The following HDAC4 variants were observed in gnomAD, a reference collection of about 807,000 sequenced individuals.
HDAC4 encodes histone deacetylase A.
In HDAC4, 16 loss-of-function variants were observed where a neutral mutation model predicts 135.1. The ratio of observed to expected loss-of-function variants is 0.12; its 90% confidence interval spans 0.08 to 0.18. The LOEUF is 0.18. Ranked by LOEUF, HDAC4 falls within the 10% of genes least tolerant of loss-of-function variation. The pLI, the probability that HDAC4 is intolerant of heterozygous loss-of-function variation, is 1.00. For missense variants in HDAC4, 1,143 were observed against 1,511.8 expected, an observed-to-expected ratio of 0.76 and a Z score of 4.05; for synonymous variants, 685 against 653.4, an observed-to-expected ratio of 1.05 and a Z score of -0.74.
In HDAC4 at chr2:239,079,253, C is replaced by T. The variant is rs529599060; in HGVS notation, c.2750+1842G>A. 3.3e-5 allele frequency among the ~76,000 whole-genome samples: 5 copies of T among 152,322 alleles called. 1 individual carries two copies. In the South Asian group the frequency reaches 1.0e-3, roughly 32 times the overall value. Reference sequence around the variant, plus strand: ...TTAGGCAGGGCATCTGTCAACATTACATTAAATCTGATCAAGAGTAAGAAG... The same window carrying T: ...TTAGGCAGGGCATCTGTCAACATTATATTAAATCTGATCAAGAGTAAGAAG... On this transcript the variant is annotated intron_variant, in intron 22 of 26. Coordinates refer to ENST00000543185, the MANE Select transcript of HDAC4 (RefSeq NM_001378414.1).
intron 7 of HDAC4, among the ~76,000 whole-genome samples, chr2:239,149,851 T>C (rs997161469): frequency 1.3e-5 from 2 of 151,960 alleles, no homozygotes; most frequent in Non-Finnish European, 2.9e-5. Context: ...TCCCGCCTGC[T>C]CGTGGAGGGG....
rs1156872256 is a variant in HDAC4, at chr2:239,307,864, G to A, written c.22+44814C>T. 6.6e-6 allele frequency among the ~76,000 whole-genome samples: 1 copy of A among 152,076 alleles called. No individual in the cohort carries two copies. Among genetic ancestry groups the A allele is most frequent in the Non-Finnish European group, 1.5e-5 (1 of 68,030 alleles). On this transcript the variant is annotated intron_variant, in intron 2 of 26. Coordinates refer to ENST00000543185, the MANE Select transcript of HDAC4 (RefSeq NM_001378414.1). This position sits in a 1 kb window ranked among gnomAD's most constrained non-coding sequence, Gnocchi z 4.8. Reference sequence around the variant, plus strand: ...TGTGGATTTGGGGACTGTCACACACGTCTCCACGCACCCCGAGCCACATCA... The same window carrying A: ...TGTGGATTTGGGGACTGTCACACACATCTCCACGCACCCCGAGCCACATCA...
chr2:239,302,222 G>C (rs938974595), intron 2 of HDAC4, among the ~76,000 whole-genome samples: 1 of 152,160 alleles, frequency 6.6e-6, no homozygotes. Flanking sequence ...ATGGCCCCTT[G>C]TGATGGACAG....
chr2:239,232,996 T>A (rs1335823113), intron 3 of HDAC4, among the ~76,000 whole-genome samples: 2 of 151,864 alleles, frequency 1.3e-5, no homozygotes, highest in Non-Finnish European at 2.9e-5. Context: ...AGACAACAAC[T>A]CCCAGGAAGG....
At chr2:239,067,183 G>C (rs2152582506) in intron 23 of HDAC4, among the ~76,000 whole-genome samples, 1 of 152,354 alleles carries the variant, frequency 6.6e-6, no homozygotes, top group Non-Finnish European at 1.5e-5. Flanking sequence ...CCATGCTCTT[G>C]TGGCCGTGGC....
intron 3 of HDAC4, among the ~76,000 whole-genome samples, chr2:239,195,828 T>C (rs2045343869): frequency 6.6e-6 from 1 of 152,186 alleles, no homozygotes; most frequent in African/African-American, 2.4e-5. Context: ...CAGAGTCCAA[T>C]GGGAGACGGT....
intron 2 of HDAC4, among the ~76,000 whole-genome samples, chr2:239,259,692 AAG>A (rs1010496160): frequency 6.6e-6 from 1 of 152,222 alleles, no homozygotes; most frequent in Non-Finnish European, 1.5e-5. Flanking sequence ...TGAAACAGAA[AAG>A]AGATATAGAC....
At chr2:239,155,395 G>A (rs1427267942) in intron 7 of HDAC4, 1 of 151,700 alleles carries the variant, frequency 6.6e-6, no homozygotes, top group African/African-American at 2.4e-5. Flanking sequence ...CACTCCATTG[G>A]GAACAGGGCT....
chr2:239,115,845 G>A lies in HDAC4; in HGVS notation c.1534-535C>T, dbSNP rs143684104. 3.3e-3 allele frequency among the ~76,000 whole-genome samples: 492 copies of A among 151,366 alleles called. 3 individuals are homozygous for A. Among genetic ancestry groups the A allele is most frequent in the Non-Finnish European group, 5.8e-3 (392 of 67,724 alleles). ...CATGACCTCCCTCCTGCCGGATCCT[G>A]GGAACACTCCAGGACCTCCCTTCCT... On this transcript the variant is annotated intron_variant, in intron 12 of 26. Coordinates refer to ENST00000543185, the MANE Select transcript of HDAC4 (RefSeq NM_001378414.1). This position sits in a 1 kb window ranked among gnomAD's most constrained non-coding sequence, Gnocchi z 6.3.
intron 3 of HDAC4, among the ~76,000 whole-genome samples, chr2:239,197,066 G>T (rs1347930620): frequency 6.6e-6 from 1 of 152,128 alleles, no homozygotes; most frequent in Non-Finnish European, 1.5e-5. Flanking sequence ...CGCTTCCTTT[G>T]TCCCAGCCAT....
chr2:239,188,221 C>T (rs1223478310), intron 4 of HDAC4, among the ~76,000 whole-genome samples: 1 of 152,208 alleles, frequency 6.6e-6, no homozygotes, highest in Non-Finnish European at 1.5e-5. Flanking sequence ...AGCCTGTCCT[C>T]CAGGGCCAGC....
chr2:239,234,504 C>T (rs1256136628), intron 3 of HDAC4, among the ~76,000 whole-genome samples: 1 of 152,226 alleles, frequency 6.6e-6, no homozygotes, highest in South Asian at 2.1e-4. Context: ...ATAAAGGCTA[C>T]ATCACACACA....
intron 2 of HDAC4, among the ~76,000 whole-genome samples, chr2:239,347,518 C>CT (rs1015237096): frequency 1.7e-4 from 25 of 151,474 alleles, no homozygotes; most frequent in East Asian, 7.8e-4. Flanking sequence ...CCACAAAATC[C>CT]TTTTTTTTTG....
intron 4 of HDAC4, among the ~76,000 whole-genome samples, chr2:239,188,557 G>A (rs1432884409): frequency 6.6e-6 from 1 of 152,218 alleles, no homozygotes; most frequent in Admixed American, 6.5e-5. Context: ...GGTTGCATAC[G>A]GTCATAGGCT....
At chr2:239,151,273 T>C (rs2042101714) in intron 7 of HDAC4, among the ~76,000 whole-genome samples, 1 of 152,160 alleles carries the variant, frequency 6.6e-6, no homozygotes, top group African/African-American at 2.4e-5. Flanking sequence ...CATGAAGCCA[T>C]GAAGTGGATG....
intron 2 of HDAC4, among the ~76,000 whole-genome samples, chr2:239,250,396 G>A (rs760214821): frequency 1.9e-4 from 29 of 152,218 alleles, no homozygotes; most frequent in African/African-American, 2.4e-5. Context: ...GGAAGAACAA[G>A]GAATTGAAGG....
chr2:239,237,542 A>G lies in HDAC4; in HGVS notation c.23-878T>C, dbSNP rs577074560. On this transcript the variant is annotated intron_variant, in intron 2 of 26. Transcript: ENST00000543185. Reference sequence around the variant, plus strand: ...GAACTCTGTAGATACAAGTTTTAAAACAGGACAAAAACGACTAACATCAGG... The same window carrying G: ...GAACTCTGTAGATACAAGTTTTAAAGCAGGACAAAAACGACTAACATCAGG... Among the ~76,000 whole-genome samples the G allele has an allele frequency of 2.6e-5, 4 of 152,084 alleles. No individual in the cohort carries two copies. In the East Asian group the frequency reaches 7.7e-4, roughly 29 times the overall value.
chr2:239,301,402 C>T (rs1005409271), intron 2 of HDAC4, among the ~76,000 whole-genome samples: 3 of 151,882 alleles, frequency 2.0e-5, no homozygotes, highest in Admixed American at 1.3e-4. Context: ...TGATGCCAGG[C>T]GAGGCCAGTG....
intron 2 of HDAC4, among the ~76,000 whole-genome samples, chr2:239,317,420 T>C (rs1444625058): frequency 2.7e-5 from 4 of 150,704 alleles, no homozygotes; most frequent in Non-Finnish European, 4.4e-5. Flanking sequence ...CAGGCCGCCT[T>C]GAGAAAAAGC....
Sources: gnomAD v4.1 joint callset for allele counts (sites outside exome capture counted in the v4.1 genomes callset) on GRCh38, gnomAD v4.1.1 for gene constraint, Gnocchi (gnomAD v3.1) non-coding constraint, MANE v1.5 for transcripts, NCBI Gene and HGNC (gene_info 2026-07-23, HGNC 2026-07-21) for gene names.